KCNT2: variants seen among roughly 807,000 people sequenced by gnomAD.
KCNT2 encodes the protein potassium sodium-activated channel subfamily T member 2.
KCNT2 carries 67 observed loss-of-function variants against 153.8 expected under a neutral mutation model. The observed-to-expected ratio is 0.44, with a 90% CI of 0.36 to 0.53. KCNT2 has a LOEUF of 0.53. KCNT2 is among the 20% of genes least tolerant of loss of function. The probability of loss-of-function intolerance (pLI) is 0.00; values close to 1 mark genes in which losing one functional copy is unlikely to be tolerated. For missense variants in KCNT2, 975 were observed against 1,354.8 expected (o/e 0.72, Z 4.40); for synonymous variants, 500 against 458.8 (o/e 1.09, Z -1.15).
At chr1:196,591,017 C>T (rs1423475920) in intron 1 of KCNT2, among the ~76,000 whole-genome samples, 4 of 152,098 alleles carry the variant, frequency 2.6e-5, no homozygotes, top group East Asian at 1.9e-4. Flanking sequence ...CTCCCAGCTA[C>T]TCGAGAGGCT....
intron 13 of KCNT2, among the ~76,000 whole-genome samples, chr1:196,377,848 A>AAGAC (rs1439964642): frequency 1.3e-5 from 2 of 152,078 alleles, no homozygotes; most frequent in Non-Finnish European, 2.9e-5. Flanking sequence ...CAGACCAATA[A>AAGAC]AGACAGACCT....
At chr1:196,265,044 C>T (rs1227962020) in intron 25 of KCNT2, among the ~76,000 whole-genome samples, 1 of 152,144 alleles carries the variant, frequency 6.6e-6, no homozygotes, top group Admixed American at 6.5e-5. Context: ...CATGGAAAGC[C>T]TCATTATATG....
intron 13 of KCNT2, among the ~76,000 whole-genome samples, chr1:196,383,873 C>T (rs553895577): frequency 5.3e-5 from 8 of 152,140 alleles, no homozygotes; most frequent in African/African-American, 1.7e-4. Context: ...GAATCCCTTG[C>T]CTGTAAGTAT....
chr1:196,289,572 G>C (rs1280845472), intron 22 of KCNT2, among the ~76,000 whole-genome samples: 3 of 152,060 alleles, frequency 2.0e-5, no homozygotes, highest in Admixed American at 6.5e-5. Flanking sequence ...TCATATGCCA[G>C]AAACAAGAAA....
Position 196,484,685 on chromosome 1 carries a change from C to G in KCNT2, c.276-2306G>C, listed in dbSNP as rs575407005. ...TTTTACATTTAAGTCTTTAACCCATCTTGAGTTAATTTTTGTATAAGGTAT... is the reference window on the plus strand; with the variant it reads ...TTTTACATTTAAGTCTTTAACCCATGTTGAGTTAATTTTTGTATAAGGTAT... On this transcript the variant is annotated intron_variant, in intron 3 of 27. Transcript: ENST00000294725. 1.2e-3 allele frequency among the ~76,000 whole-genome samples: 185 copies of G among 152,154 alleles called. 2 individuals carry two copies. Among genetic ancestry groups the G allele is most frequent in the African/African-American group, 2.9e-3 (121 of 41,542 alleles).
intron 26 of KCNT2, among the ~76,000 whole-genome samples, chr1:196,244,461 G>T (rs1223729835): frequency 3.9e-5 from 6 of 152,066 alleles, no homozygotes; most frequent in Admixed American, 1.3e-4. Flanking sequence ...GGCCAAAGGG[G>T]TGCCTACTGT....
At chr1:196,571,569 C>A (rs976871251) in intron 1 of KCNT2, among the ~76,000 whole-genome samples, 1 of 152,014 alleles carries the variant, frequency 6.6e-6, no homozygotes, top group Non-Finnish European at 1.5e-5. Context: ...GGTCATTAAC[C>A]ATATTGATTA....
At chr1:196,346,674 T>G (rs1666169070) in intron 14 of KCNT2, among the ~76,000 whole-genome samples, 1 of 152,150 alleles carries the variant, frequency 6.6e-6, no homozygotes, top group South Asian at 2.1e-4. Context: ...TAAAAAAGAA[T>G]GTTGTGTTGG....
chr1:196,295,130 ATATATATGTG>A (rs1660561205), intron 22 of KCNT2, among the ~76,000 whole-genome samples: 1 of 151,576 alleles, frequency 6.6e-6, no homozygotes, highest in African/African-American at 2.4e-5. Flanking sequence ...CATTGTAAAT[ATATATATGTG>A]TATATATGTA....
chr1:196,369,145 A>G (rs1668289309), intron 14 of KCNT2, among the ~76,000 whole-genome samples: 1 of 152,152 alleles, frequency 6.6e-6, no homozygotes, highest in African/African-American at 2.4e-5. Flanking sequence ...AAACAAATTG[A>G]AAGACAAAGA....
chr1:196,267,113 A>G (rs1657616581), intron 25 of KCNT2, among the ~76,000 whole-genome samples: 3 of 152,190 alleles, frequency 2.0e-5, no homozygotes, highest in African/African-American at 4.8e-5. Flanking sequence ...TGCTGTCACA[A>G]ACAATCCCTC....
intron 13 of KCNT2, among the ~76,000 whole-genome samples, chr1:196,394,357 G>A (rs2148423412): frequency 6.6e-6 from 1 of 151,740 alleles, no homozygotes; most frequent in South Asian, 2.1e-4. Context: ...TAATGGCGTA[G>A]ACTAGGGTTG....
chr1:196,285,660 A>G lies in KCNT2; in HGVS notation c.2694T>C (p.Tyr898=). The G allele has an allele frequency of 1.9e-6, 3 of 1,591,986 alleles. No homozygotes were observed. Among genetic ancestry groups the G allele is most frequent in the Non-Finnish European group, 2.6e-6 (3 of 1,160,396 alleles). Residue 898 remains tyrosine, a synonymous_variant, in exon 23 of 28, where the codon TAT becomes TAC. Coordinates refer to ENST00000294725, the MANE Select transcript of KCNT2 (RefSeq NM_198503.5). ...AATAAAAAGAAATATTGTATACCTG[A>G]TACAGCAGAGTGTCCAACATACTGA... ...FSISMLDTLL[Y]QSFVKDYMIS...
chr1:196,283,637 G>T (rs185769348), intron 23 of KCNT2, among the ~76,000 whole-genome samples: 2 of 152,118 alleles, frequency 1.3e-5, no homozygotes, highest in Admixed American at 1.3e-4. Context: ...AATCATTCAA[G>T]AACCATTGAC....
intron 22 of KCNT2, among the ~76,000 whole-genome samples, chr1:196,291,873 CT>C (rs1437074492): frequency 1.3e-5 from 2 of 152,132 alleles, no homozygotes; most frequent in African/African-American, 2.4e-5. Flanking sequence ...CATTAAAAGG[CT>C]CTTATTTTAC....
At chr1:196,436,221 G>A (rs988833271) in intron 8 of KCNT2, among the ~76,000 whole-genome samples, 3 of 151,428 alleles carry the variant, frequency 2.0e-5, no homozygotes, top group Non-Finnish European at 4.4e-5. Flanking sequence ...TTGGTTACTG[G>A]CAACACAACT....
rs768920997 is a variant in KCNT2 at position 196,258,320 on chromosome 1, A to C, written c.3085T>G (p.Ser1029Ala). ...GTTATTTTTTCAGCTGTTTTACCAG[A>C]GTGTTTTGGGCCTTTTCTGCTCAGT... ...RRLSRKGPKH[S>A]GKTAEKITQQ... Residue 1029 changes from serine (S) to alanine (A), a missense_variant, in exon 26 of 28, where the codon TCT (serine) becomes GCT (alanine). By Grantham distance (99) the Ser-to-Ala change is moderately conservative. This residue lies in a region of KCNT2 where 241 missense variants were observed against 271.1 expected (regional missense o/e 0.89). Coordinates refer to ENST00000294725, the MANE Select transcript of KCNT2 (RefSeq NM_198503.5). The C allele has an allele frequency of 5.0e-6, 8 of 1,613,690 alleles. No homozygotes were observed. Among genetic ancestry groups the C allele is most frequent in the Middle Eastern group, 3.3e-4 (2 of 6,080 alleles).
chr1:196,372,127 A>C (rs1668589223), intron 14 of KCNT2, among the ~76,000 whole-genome samples: 1 of 152,096 alleles, frequency 6.6e-6, no homozygotes, highest in South Asian at 2.1e-4. Flanking sequence ...TATAGAATAG[A>C]AATATTCCTA....
chr1:196,496,229 G>A (rs2148747313), intron 1 of KCNT2, among the ~76,000 whole-genome samples: 2 of 152,162 alleles, frequency 1.3e-5, no homozygotes, highest in Middle Eastern at 6.8e-3. Context: ...CAGCAATTTG[G>A]GAGGCCGAGG....
Sources: gnomAD v4.1 joint callset for allele counts (sites outside exome capture counted in the v4.1 genomes callset) on GRCh38, gnomAD v4.1.1 for gene constraint, gnomAD v4.1.1 regional missense constraint, MANE v1.5 for transcripts, NCBI Gene and HGNC (gene_info 2026-07-23, HGNC 2026-07-21) for gene names.